Variants in SCN1A observed in about 807,000 individuals in gnomAD.
SCN1A encodes the protein sodium voltage-gated channel alpha subunit 1.
A neutral mutation model predicts 193.7 loss-of-function variants in SCN1A; 13 were observed. The ratio of observed to expected loss-of-function variants is 0.07; its 90% CI spans 0.04 to 0.11. The LOEUF is 0.11. Ranked by LOEUF, SCN1A falls within the 10% of genes least tolerant of loss-of-function variation. The probability of loss-of-function intolerance (pLI) is 1.00; values close to 1 mark genes in which losing one functional copy is unlikely to be tolerated. For synonymous variants in SCN1A, 781 were observed against 843.6 expected (o/e 0.93, Z 1.29); for missense variants, 1,432 against 2,451.1 (o/e 0.58, Z 8.78).
intron 12 of SCN1A, among the ~76,000 whole-genome samples, chr2:166,046,028 A>G (rs1288433786): frequency 6.6e-6 from 1 of 152,172 alleles, no homozygotes; most frequent in East Asian, 1.9e-4. Context: ...CTAAGTTGAC[A>G]CTTTTTTATT....
chr2:166,008,852 TAAA>T (rs35881950), intron 23 of SCN1A, among the ~76,000 whole-genome samples: 1 of 150,284 alleles, frequency 6.7e-6, no homozygotes, highest in African/African-American at 2.4e-5. Flanking sequence ...TATTTTTTTT[TAAA>T]AAAAAGCAGA....
intron 23 of SCN1A, among the ~76,000 whole-genome samples, chr2:166,003,228 AAAT>A (rs1691182099): frequency 6.6e-6 from 1 of 151,498 alleles, no homozygotes; most frequent in Non-Finnish European, 1.5e-5. Context: ...TAAATATAAA[AAAT>A]ATTATTAAAT....
At position 165,991,927 on chromosome 2, in the gene SCN1A, G is replaced by T; in HGVS notation, c.5348C>A (p.Ala1783Glu). 1 of 1,613,862 alleles carries T rather than the reference G, an allele frequency of 6.2e-7. No individual in the cohort carries two copies. The highest frequency in any genetic ancestry group is 8.5e-7 in the Non-Finnish European group (1 of 1,179,920). ...AACACTGAAGTTCTCCAGGATGACC[G>T]CGATGTACATGTTCACCACAACCAG... ...SFLVVVNMYI[A>E]VILENFSVAT... Residue 1783 changes from alanine to glutamate, a missense_variant, in exon 29 of 29, where the codon GCG becomes GAG. Ala to Glu is a moderately radical substitution (Grantham distance 107). This residue lies in a region of SCN1A where 6 missense variants were observed against 48.3 expected (regional missense o/e 0.12). Coordinates refer to ENST00000674923, the MANE Select transcript of SCN1A (RefSeq NM_001165963.4).
intron 4 of SCN1A, among the ~76,000 whole-genome samples, chr2:166,062,559 G>A (rs988743686): frequency 1.3e-5 from 2 of 152,084 alleles, no homozygotes; most frequent in Admixed American, 1.3e-4. Context: ...TGAAGGGAGG[G>A]AAGAGTCTGA....
chr2:165,997,677 A>C (rs1476284575), intron 26 of SCN1A, among the ~76,000 whole-genome samples: 1 of 151,354 alleles, frequency 6.6e-6, no homozygotes, highest in African/African-American at 2.4e-5. Flanking sequence ...ATATATTTTC[A>C]AGGGGGAGTG....
chr2:166,039,676 T>G, intron 16 of SCN1A, 80 bp from the exon 17 acceptor site: 3 of 1,234,390 alleles, frequency 2.4e-6, no homozygotes, highest in Non-Finnish European at 3.5e-6. Context: ...AACATAATGC[T>G]TATGCTATTT....
At chr2:166,000,439 G>A (rs1057429512) in intron 24 of SCN1A, among the ~76,000 whole-genome samples, 6 of 151,666 alleles carry the variant, frequency 4.0e-5, no homozygotes, top group Admixed American at 6.6e-5. Context: ...CAGACACTTG[G>A]CACTCACAGG....
intron 18 of SCN1A, among the ~76,000 whole-genome samples, chr2:166,036,994 C>T (rs1696470204): frequency 6.6e-6 from 1 of 152,164 alleles, no homozygotes; most frequent in Non-Finnish European, 1.5e-5. Flanking sequence ...TTAACATAGG[C>T]TGACACTTGT....
chr2:166,066,231 G>A (rs769037141), intron 4 of SCN1A, among the ~76,000 whole-genome samples: 4 of 152,084 alleles, frequency 2.6e-5, no homozygotes, highest in Non-Finnish European at 5.9e-5. Flanking sequence ...ATAAAATCTG[G>A]AGCTGAAACA....
intron 19 of SCN1A, among the ~76,000 whole-genome samples, chr2:166,022,487 T>C (rs557025073): frequency 6.6e-6 from 1 of 152,324 alleles, no homozygotes; most frequent in African/African-American, 2.4e-5. Context: ...ATTGACAGTA[T>C]GTTGAATGAC....
At chr2:166,026,675 C>CTTTT (rs1694806620) in intron 19 of SCN1A, among the ~76,000 whole-genome samples, 1 of 130,672 alleles carries the variant, frequency 7.7e-6, no homozygotes, top group African/African-American at 2.9e-5. Flanking sequence ...CTCTTTCTTT[C>CTTTT]TTTCTTTTTT....
chr2:166,085,491 G>A (rs959856350), intron 2 of SCN1A, among the ~76,000 whole-genome samples: 11 of 152,138 alleles, frequency 7.2e-5, no homozygotes. Context: ...CTGCTCAAAA[G>A]CATTCTTATG....
chr2:166,132,378 G>GT (rs58736740), upstream of SCN1A, among the ~76,000 whole-genome samples: 40 of 149,630 alleles, frequency 2.7e-4, no homozygotes, highest in African/African-American at 7.1e-4. Flanking sequence ...TTTCCTAGTG[G>GT]TTTTTTTTTT....
At chr2:166,051,288 T>A (rs1574260908) in intron 9 of SCN1A, among the ~76,000 whole-genome samples, 1 of 151,988 alleles carries the variant, frequency 6.6e-6, no homozygotes, top group East Asian at 1.9e-4. Flanking sequence ...GTTCCAGAAA[T>A]ATAAATAATC....
At chr2:166,147,914 T>C (rs1692388079) in intron 1 of SCN1A, among the ~76,000 whole-genome samples, 1 of 152,194 alleles carries the variant, frequency 6.6e-6, no homozygotes, top group African/African-American at 2.4e-5. Flanking sequence ...TGCAAGAAAT[T>C]TTAGATACTT....
At chr2:166,048,979 A>T (rs1698205340) in intron 9 of SCN1A, 30 bp from the exon 10 acceptor site, 3 of 1,372,084 alleles carry the variant, frequency 2.2e-6, no homozygotes, top group Non-Finnish European at 3.1e-6. Flanking sequence ...CGTATGATGA[A>T]CATTTGCATT....
chr2:166,054,057 A>T (rs1328786031), intron 7 of SCN1A, among the ~76,000 whole-genome samples: 1 of 152,004 alleles, frequency 6.6e-6, no homozygotes, highest in Non-Finnish European at 1.5e-5. Context: ...AAACAGAAAG[A>T]GGCAGAGAGA....
chr2:166,036,202 A>G lies in SCN1A; in HGVS notation c.3275T>C (p.Val1092Ala). 2 of 1,614,006 alleles carry G rather than the reference A, an allele frequency of 1.2e-6. No homozygotes were observed. Among genetic ancestry groups the G allele is most frequent in the Non-Finnish European group, 1.7e-6 (2 of 1,179,942 alleles). The change falls in exon 19 of 29, where the codon GTT (valine) becomes GCT (alanine). Residue 1092 changes from valine to alanine, a missense_variant. By Grantham distance (64) the Val-to-Ala change is moderately conservative. This residue lies in a region of SCN1A where 198 missense variants were observed against 225.8 expected (regional missense o/e 0.88). Coordinates refer to ENST00000674923, the MANE Select transcript of SCN1A (RefSeq NM_001165963.4). ...ACTTTCATCAATAATGTATTTTTCA[A>G]CACTGCTGCCAGTTCCTATACCACT... ...TTSGIGTGSS[V>A]EKYIIDESDY...
At chr2:166,115,216 G>T (rs941011803) in intron 2 of SCN1A, among the ~76,000 whole-genome samples, 10 of 151,962 alleles carry the variant, frequency 6.6e-5, no homozygotes, top group Non-Finnish European at 7.4e-5. Flanking sequence ...AAAATTAGCT[G>T]GGCATGGTGG....
Sources: gnomAD v4.1 joint callset for allele counts (sites outside exome capture counted in the v4.1 genomes callset) on GRCh38, gnomAD v4.1.1 for gene constraint, gnomAD v4.1.1 regional missense constraint, MANE v1.5 for transcripts, NCBI Gene and HGNC (gene_info 2026-07-23, HGNC 2026-07-21) for gene names.